The following ROBO2 variants were observed in gnomAD, a reference collection of about 807,000 sequenced individuals.
ROBO2 encodes roundabout homolog 2.
In ROBO2, 53 loss-of-function variants were observed where a neutral mutation model predicts 160.8. The ratio of observed to expected loss-of-function variants is 0.33; its 90% CI spans 0.26 to 0.41. ROBO2 has a LOEUF of 0.41. Among genes scored for constraint, ROBO2 ranks in the 10% least tolerant of loss-of-function variants. The pLI, the probability that ROBO2 is intolerant of heterozygous loss-of-function variation, is 1.00. For synonymous variants in ROBO2, 664 were observed against 611.7 expected (o/e 1.09, Z -1.26); for missense variants, 1,577 against 1,722.4 (o/e 0.92, Z 1.49).
intron 2 of ROBO2, among the ~76,000 whole-genome samples, chr3:76,451,485 C>T (rs1171943041): frequency 6.6e-6 from 1 of 152,098 alleles, no homozygotes; most frequent in Non-Finnish European, 1.5e-5. Context: ...AAATTTATTA[C>T]TATAGAAGAT....
intron 2 of ROBO2, among the ~76,000 whole-genome samples, chr3:76,235,103 TC>T (rs1315962870): frequency 1.3e-5 from 2 of 152,170 alleles, no homozygotes; most frequent in African/African-American, 4.8e-5. Flanking sequence ...GACTGTAGTC[TC>T]TAAAAAGTTA....
chr3:76,528,024 T>G (rs2082037262), intron 2 of ROBO2, among the ~76,000 whole-genome samples: 1 of 152,090 alleles, frequency 6.6e-6, no homozygotes, highest in African/African-American at 2.4e-5. Flanking sequence ...TGCAGAATGT[T>G]AAAGCCTCAT....
intron 2 of ROBO2, among the ~76,000 whole-genome samples, chr3:77,298,145 GT>G (rs769115935): frequency 7.9e-5 from 12 of 152,244 alleles, no homozygotes; most frequent in Middle Eastern, 3.4e-3. Context: ...AATTCTGAAG[GT>G]TGTGACTTAG....
chr3:76,463,076 G>GA (rs567852621), intron 2 of ROBO2, among the ~76,000 whole-genome samples: 84 of 152,258 alleles, frequency 5.5e-4, no homozygotes, highest in African/African-American at 1.9e-3. Context: ...CTGTGGCCAG[G>GA]AATCTCCTAC....
chr3:77,300,917 G>C (rs2062601422), intron 2 of ROBO2, among the ~76,000 whole-genome samples: 1 of 151,362 alleles, frequency 6.6e-6, no homozygotes, highest in Non-Finnish European at 1.5e-5. Flanking sequence ...TGTCACCCAG[G>C]CTGGAGTGCA....
chr3:77,332,692 G>T (rs1216186086), intron 2 of ROBO2, among the ~76,000 whole-genome samples: 1 of 152,036 alleles, frequency 6.6e-6, no homozygotes, highest in African/African-American at 2.4e-5. Context: ...GTGTAATTAG[G>T]CATTAATTCC....
At chr3:76,531,655 T>A (rs1400727257) in intron 2 of ROBO2, among the ~76,000 whole-genome samples, 19 of 149,832 alleles carry the variant, frequency 1.3e-4, no homozygotes, top group African/African-American at 3.9e-4. Context: ...TAAGCAAATG[T>A]TTTTCTGTCC....
At chr3:76,307,392 G>C (rs543478211) in intron 2 of ROBO2, among the ~76,000 whole-genome samples, 1 of 151,916 alleles carries the variant, frequency 6.6e-6, no homozygotes, top group Admixed American at 6.6e-5. Flanking sequence ...ATTCTTTATG[G>C]CCTGCATTAA....
At position 77,504,171 on chromosome 3, in the gene ROBO2, A is replaced by G. The variant is rs188212653; in HGVS notation, c.806+10789A>G. Among the ~76,000 whole-genome samples the G allele has an allele frequency of 5.9e-5, 9 of 152,340 alleles. No individual in the cohort carries two copies. In the East Asian group the frequency reaches 1.5e-3, roughly 26 times the overall value. ...TCATATAGACCTATGGGATAACATC[A>G]TAATAAGATCTCAGTATAAAAATTC... On this transcript the variant is annotated intron_variant, in intron 5 of 25. Coordinates refer to ENST00000461745, the Ensembl canonical transcript of ROBO2.
At chr3:76,388,397 G>T (rs1486214149) in intron 2 of ROBO2, among the ~76,000 whole-genome samples, 1 of 151,512 alleles carries the variant, frequency 6.6e-6, no homozygotes, top group Non-Finnish European at 1.5e-5. Flanking sequence ...TCAGCCTCCC[G>T]AGTAGCTGGG....
At chr3:76,783,807 C>G (rs1263486418) in intron 2 of ROBO2, among the ~76,000 whole-genome samples, 2 of 150,898 alleles carry the variant, frequency 1.3e-5, no homozygotes, top group African/African-American at 4.8e-5. Context: ...AATAAGTTTT[C>G]TGGCCCTTTC....
At chr3:77,368,192 A>G (rs2153474516) in intron 2 of ROBO2, among the ~76,000 whole-genome samples, 1 of 152,252 alleles carries the variant, frequency 6.6e-6, no homozygotes, top group South Asian at 2.1e-4. Context: ...CTTTGTCTGT[A>G]TTAAATTTCC....
intron 2 of ROBO2, among the ~76,000 whole-genome samples, chr3:76,228,742 C>T (rs1412514130): frequency 6.6e-6 from 1 of 152,142 alleles, no homozygotes; most frequent in Non-Finnish European, 1.5e-5. Flanking sequence ...ATGAAACTTT[C>T]ATAAGAACTC....
intron 2 of ROBO2, among the ~76,000 whole-genome samples, chr3:76,790,471 T>A (rs2063286899): frequency 6.6e-6 from 1 of 151,706 alleles, no homozygotes; most frequent in Non-Finnish European, 1.5e-5. Flanking sequence ...AAAATGGATT[T>A]ACTATCTGAC....
At chr3:76,854,456 C>G (rs1279970512) in intron 2 of ROBO2, among the ~76,000 whole-genome samples, 1 of 152,114 alleles carries the variant, frequency 6.6e-6, no homozygotes, top group Admixed American at 6.5e-5. Flanking sequence ...CACCAGTTTA[C>G]ACTTCCACCA....
At chr3:76,277,963 T>C (rs1233620062) in intron 2 of ROBO2, among the ~76,000 whole-genome samples, 1 of 151,710 alleles carries the variant, frequency 6.6e-6, no homozygotes, top group Non-Finnish European at 1.5e-5. Context: ...TCTCAGTGAT[T>C]GACACACAGT....
intron 2 of ROBO2, among the ~76,000 whole-genome samples, chr3:76,983,097 AACATGGTGAAACCCCATCTCT>A (rs2149335532): frequency 6.6e-6 from 1 of 152,254 alleles, no homozygotes; most frequent in African/African-American, 2.4e-5. Flanking sequence ...CAGCCTGGCC[AACATGGTGAAACCCCATCTCT>A]ACTAAAAATA....
At chr3:76,418,136 A>G (rs1243457735) in intron 2 of ROBO2, among the ~76,000 whole-genome samples, 1 of 151,790 alleles carries the variant, frequency 6.6e-6, no homozygotes, top group Non-Finnish European at 1.5e-5. Flanking sequence ...ACTTAAGCTC[A>G]AGCAGAAGCA....
chr3:76,355,113 C>G (rs953524050), intron 2 of ROBO2, among the ~76,000 whole-genome samples: 2 of 150,950 alleles, frequency 1.3e-5, no homozygotes, highest in African/African-American at 4.9e-5. Context: ...ATATTCACTC[C>G]TTAGGTAAGA....
Sources: allele counts gnomAD v4.1 joint callset (sites outside exome capture counted in the v4.1 genomes callset), GRCh38; gene constraint gnomAD v4.1.1; transcripts MANE v1.5; gene names NCBI Gene and HGNC (gene_info 2026-07-23, HGNC 2026-07-21).